The following GALNT13 variants were observed in gnomAD, a reference collection of about 807,000 sequenced individuals.
GALNT13 encodes the protein UDP-GalNAc:polypeptide N-acetylgalactosaminyltransferase 13.
Under a neutral mutation model 64.2 loss-of-function variants are expected in GALNT13, and 28 were observed. The ratio of observed to expected loss-of-function variants is 0.44; its 90% CI spans 0.32 to 0.60. The LOEUF (loss-of-function observed/expected upper bound fraction) is 0.60. Among genes scored for constraint, GALNT13 ranks in the 20% least tolerant of loss-of-function variants. GALNT13 has a pLI of 0.05. For synonymous variants in GALNT13, 214 were observed against 224.6 expected (o/e 0.95, Z 0.42); for missense variants, 577 against 669.8 (o/e 0.86, Z 1.53).
the GALNT13 span, chr2:153,421,649 GCC>G: frequency 3.7e-6 from 1 of 268,556 alleles, no homozygotes; most frequent in South Asian, 5.9e-5. Context: ...ATGTCGTGAT[GCC>G]CCCAGGCATA....
chr2:154,021,418 T>A (rs2105278577), intron 3 of GALNT13, among the ~76,000 whole-genome samples: 1 of 152,296 alleles, frequency 6.6e-6, no homozygotes, highest in African/African-American at 2.4e-5. Flanking sequence ...GTCCTTCACA[T>A]CCCTTGTAAG....
the GALNT13 span, among the ~76,000 whole-genome samples, chr2:153,638,938 C>T: frequency 1.3e-3 from 194 of 152,220 alleles, 1 homozygote; most frequent in African/African-American, 4.3e-3. Context: ...CTGAGCAGGA[C>T]CAAGAGTCCC....
chr2:153,498,075 G>C, the GALNT13 span, among the ~76,000 whole-genome samples: 1 of 152,172 alleles, frequency 6.6e-6, no homozygotes, highest in Non-Finnish European at 1.5e-5. Context: ...TACTCTTACT[G>C]ATCTTGCCTA....
Position 154,296,637 on chromosome 2 carries a change from T to C in GALNT13, c.976-4772T>C, listed in dbSNP as rs541126663. On this transcript the variant is annotated intron_variant, in intron 8 of 12. Transcript: ENST00000392825. Reference sequence around the variant, plus strand: ...GAATGTTGAGTACTCTACTAAATCATGTCTGAGAGAGAGAGAGGAATACAA... The same window carrying C: ...GAATGTTGAGTACTCTACTAAATCACGTCTGAGAGAGAGAGAGGAATACAA... 2.6e-5 allele frequency among the ~76,000 whole-genome samples: 4 copies of C among 152,316 alleles called. No homozygotes were observed. In the South Asian group the frequency reaches 8.3e-4, roughly 32 times the overall value.
the GALNT13 span, among the ~76,000 whole-genome samples, chr2:153,837,128 T>C: frequency 6.6e-6 from 1 of 151,200 alleles, no homozygotes; most frequent in Non-Finnish European, 1.5e-5. Flanking sequence ...CCACCAACAG[T>C]GTAAAAGTGT....
At chr2:154,369,474 T>G (rs1479473316) in intron 9 of GALNT13, among the ~76,000 whole-genome samples, 1 of 152,210 alleles carries the variant, frequency 6.6e-6, no homozygotes, top group Non-Finnish European at 1.5e-5. Context: ...ATTGCATGTT[T>G]GCTGATACCA....
intron 4 of GALNT13, among the ~76,000 whole-genome samples, chr2:154,177,710 G>C (rs1056124432): frequency 7.2e-5 from 11 of 152,106 alleles, no homozygotes. Flanking sequence ...CAATTTTTCT[G>C]TAAACCTAAA....
chr2:154,376,797 G>C, intron 9 of GALNT13, among the ~76,000 whole-genome samples: 1 of 152,024 alleles, frequency 6.6e-6, no homozygotes, highest in Non-Finnish European at 1.5e-5. Flanking sequence ...ATAAAGTGAG[G>C]TTGAAGAAAT....
upstream of GALNT13, among the ~76,000 whole-genome samples, chr2:153,867,588 A>C (rs1375256236): frequency 6.6e-6 from 1 of 152,060 alleles, no homozygotes; most frequent in Non-Finnish European, 1.5e-5. Context: ...ATTTAAGCAC[A>C]TGACGTTTAT....
the GALNT13 span, among the ~76,000 whole-genome samples, chr2:153,732,828 T>C: frequency 2.0e-5 from 3 of 152,074 alleles, no homozygotes; most frequent in Admixed American, 6.6e-5. Flanking sequence ...ACCGTAGAGA[T>C]AGGTATGTGA....
chr2:153,177,535 T>C, the GALNT13 span, among the ~76,000 whole-genome samples: 3 of 152,238 alleles, frequency 2.0e-5, no homozygotes, highest in East Asian at 5.8e-4. Context: ...TTTTAAAAGA[T>C]CCAACTGTAT....
the GALNT13 span, among the ~76,000 whole-genome samples, chr2:153,637,850 C>T: frequency 3.9e-5 from 6 of 152,042 alleles, no homozygotes; most frequent in African/African-American, 9.7e-5. Flanking sequence ...TGATTGATTC[C>T]GTCATTCAAT....
chr2:154,307,522 G>A (rs560517690), intron 9 of GALNT13, among the ~76,000 whole-genome samples: 5 of 152,152 alleles, frequency 3.3e-5, no homozygotes, highest in African/African-American at 1.2e-4. Flanking sequence ...TGGTAATATT[G>A]ACAAAGTTGG....
the GALNT13 span, among the ~76,000 whole-genome samples, chr2:153,588,294 G>T: frequency 6.6e-6 from 1 of 152,186 alleles, no homozygotes; most frequent in Non-Finnish European, 1.5e-5. Context: ...TCTGTGTGGG[G>T]TCTCTGACCC....
chr2:153,822,787 T>C, the GALNT13 span, among the ~76,000 whole-genome samples: 10 of 152,190 alleles, frequency 6.6e-5, no homozygotes, highest in Admixed American at 4.6e-4. Context: ...AACCAGGCAA[T>C]AGAAAGAAAT....
rs1699122278 is a variant in GALNT13, at chr2:154,043,495, A to G, written c.143-96842A>G. Among the ~76,000 whole-genome samples the G allele has an allele frequency of 2.0e-5, 3 of 146,384 alleles. 1 individual carries two copies. The highest frequency in any genetic ancestry group is 4.5e-5 in the Non-Finnish European group (3 of 67,150). ...ATAAAAACATGTATTGCAAATAGAA[A>G]TAAGGTCTCTATTTAAAAATCTAAC... On this transcript the variant is annotated intron_variant, in intron 3 of 12. Coordinates refer to ENST00000392825, the MANE Select transcript of GALNT13 (RefSeq NM_052917.4).
At chr2:153,691,090 T>G in the GALNT13 span, among the ~76,000 whole-genome samples, 1 of 152,158 alleles carries the variant, frequency 6.6e-6, no homozygotes, top group Non-Finnish European at 1.5e-5. Context: ...TTTGGTATAT[T>G]TACATTTCAT....
chr2:153,636,482 G>A, the GALNT13 span, among the ~76,000 whole-genome samples: 1 of 152,150 alleles, frequency 6.6e-6, no homozygotes, highest in Admixed American at 6.6e-5. Flanking sequence ...TTTTGACTGT[G>A]GTTAGCAGAA....
At chr2:153,497,012 A>AG in the GALNT13 span, among the ~76,000 whole-genome samples, 1 of 142,270 alleles carries the variant, frequency 7.0e-6, no homozygotes, top group Non-Finnish European at 1.5e-5. Context: ...AAAAAAAAAA[A>AG]AGAAAAAAGA....
Sources: gnomAD v4.1 joint callset for allele counts (sites outside exome capture counted in the v4.1 genomes callset) on GRCh38, gnomAD v4.1.1 for gene constraint, MANE v1.5 for transcripts, NCBI Gene and HGNC (gene_info 2026-07-23, HGNC 2026-07-21) for gene names.